The following DLGAP2 variants were observed in gnomAD, a reference collection of about 807,000 sequenced individuals.
DLGAP2 encodes the protein DLG associated protein 2.
DLGAP2 carries 26 observed loss-of-function variants against 100.3 expected under a neutral mutation model. That is an observed-to-expected ratio of 0.26 (90% CI 0.19 to 0.36). The LOEUF is 0.36. Among genes scored for constraint, DLGAP2 ranks in the 10% least tolerant of loss-of-function variants. The pLI, the probability that DLGAP2 is intolerant of heterozygous loss-of-function variation, is 1.00. For synonymous variants in DLGAP2, 886 were observed against 630.1 expected, an observed-to-expected ratio of 1.41 and a Z score of -6.08; for missense variants, 1,858 against 1,453.2, an observed-to-expected ratio of 1.28 and a Z score of -4.53.
chr8:872,174 T>G (rs1467089707), intron 1 of DLGAP2, among the ~76,000 whole-genome samples: 1 of 152,102 alleles, frequency 6.6e-6, no homozygotes, highest in Non-Finnish European at 1.5e-5. Context: ...TAGAAGGAAT[T>G]TATTCTAAGG....
chr8:1,108,768 ACG>A (rs1804860021), intron 2 of DLGAP2, among the ~76,000 whole-genome samples: 1 of 137,478 alleles, frequency 7.3e-6, no homozygotes, highest in Non-Finnish European at 1.5e-5. Context: ...TGAGGTGTGC[ACG>A]TGCCTATGAA....
chr8:1,273,834 A>G lies in DLGAP2; in HGVS notation c.106+14951A>G, dbSNP rs1317319862. ...TCAAAGAGCAAAAGGCTAGAATGAC[A>G]TTGGTGTAGAATTCCAAATGGGAGA... On this transcript the variant is annotated intron_variant, in intron 3 of 14. Coordinates refer to ENST00000637795, the MANE Select transcript of DLGAP2 (RefSeq NM_001346810.2). Among the ~76,000 whole-genome samples, 4 of 152,236 alleles carry G rather than the reference A, an allele frequency of 2.6e-5. No homozygotes were observed. The East Asian group carries it at 5.8e-4, about 22-fold the overall frequency.
chr8:1,523,550 A>G (rs1800684844), intron 4 of DLGAP2, among the ~76,000 whole-genome samples: 1 of 152,196 alleles, frequency 6.6e-6, no homozygotes, highest in Admixed American at 6.5e-5. Context: ...CCGGCACCGC[A>G]CAGTCCCTGG....
At chr8:1,078,289 A>G (rs780492302) in intron 2 of DLGAP2, among the ~76,000 whole-genome samples, 4 of 152,232 alleles carry the variant, frequency 2.6e-5, no homozygotes, top group South Asian at 2.1e-4. Flanking sequence ...TCACAGAAGC[A>G]TTGAGCTGAA....
intron 2 of DLGAP2, among the ~76,000 whole-genome samples, chr8:1,089,362 G>A (rs1253880961): frequency 6.6e-6 from 1 of 152,236 alleles, no homozygotes; most frequent in Non-Finnish European, 1.5e-5. Context: ...TTTGACACCA[G>A]CCAGCCGTTT....
intron 1 of DLGAP2, among the ~76,000 whole-genome samples, chr8:869,074 G>A (rs952439030): frequency 6.6e-6 from 1 of 152,184 alleles, no homozygotes; most frequent in African/African-American, 2.4e-5. Context: ...TTCTGGGCCG[G>A]CTGCCCTGGG....
Position 1,692,895 on chromosome 8 carries a change from TATAA to T in DLGAP2, c.2796+1273_2796+1276del, listed in dbSNP as rs552417659. ...TAATATATACTTACATATGCTTATA[TATAA>T]ATATATATACACATATTAATATATA... On this transcript the variant is annotated intron_variant, in intron 13 of 14. Transcript: ENST00000637795. 2.7e-3 allele frequency among the ~76,000 whole-genome samples: 402 copies of T among 148,826 alleles called. 2 individuals carry two copies. The highest frequency in any genetic ancestry group is 9.2e-3 in the African/African-American group (377 of 40,928).
intron 2 of DLGAP2, among the ~76,000 whole-genome samples, chr8:1,082,870 A>T (rs1419348504): frequency 3.9e-5 from 6 of 152,224 alleles, no homozygotes; most frequent in Non-Finnish European, 8.8e-5. Context: ...GGATGGGAAA[A>T]TTAAGGTATT....
intron 2 of DLGAP2, among the ~76,000 whole-genome samples, chr8:986,869 A>G (rs1584949202): frequency 6.6e-6 from 1 of 152,250 alleles, no homozygotes; most frequent in East Asian, 1.9e-4. Context: ...CATGTTGGCC[A>G]GGCTGGTCTC....
chr8:811,025 C>T (rs767266980), intron 1 of DLGAP2, among the ~76,000 whole-genome samples: 21 of 152,098 alleles, frequency 1.4e-4, no homozygotes, highest in African/African-American at 3.1e-4. Flanking sequence ...TAGAAGGCAT[C>T]GCTGTCATCT....
chr8:888,359 C>G (rs1428778285), intron 1 of DLGAP2, among the ~76,000 whole-genome samples: 1 of 152,148 alleles, frequency 6.6e-6, no homozygotes, highest in Non-Finnish European at 1.5e-5. Flanking sequence ...TTTTTGTTAC[C>G]CATCTTCTGA....
At chr8:1,548,545 CG>C in intron 4 of DLGAP2, 80 bp from the exon 5 acceptor site, 3 of 1,271,750 alleles carry the variant, frequency 2.4e-6, no homozygotes, top group Non-Finnish European at 3.1e-6. Context: ...ATGAAGTCCA[CG>C]GTGGGGGTCA....
intron 1 of DLGAP2, among the ~76,000 whole-genome samples, chr8:868,820 C>T (rs150426917): frequency 2.4e-4 from 36 of 152,282 alleles, no homozygotes; most frequent in East Asian, 7.7e-4. Context: ...CTAGAGAGCG[C>T]GGTCACTGCA....
At chr8:1,447,374 A>G (rs1798010561) in intron 3 of DLGAP2, among the ~76,000 whole-genome samples, 1 of 152,266 alleles carries the variant, frequency 6.6e-6, no homozygotes, top group Non-Finnish European at 1.5e-5. Context: ...TTCTGTTTAT[A>G]TGCTGGATTA....
At chr8:1,324,037 TG>T in intron 3 of DLGAP2, among the ~76,000 whole-genome samples, 1 of 152,336 alleles carries the variant, frequency 6.6e-6, no homozygotes, top group Admixed American at 6.5e-5. Context: ...AGTGTGCGTC[TG>T]GTCTGCTGTG....
intron 5 of DLGAP2, among the ~76,000 whole-genome samples, chr8:1,558,948 G>C (rs552168688): frequency 6.6e-6 from 1 of 152,174 alleles, no homozygotes; most frequent in Non-Finnish European, 1.5e-5. Context: ...AGCAATGGAC[G>C]ATAATGTTTT....
chr8:1,438,602 G>C (rs1234541558), intron 3 of DLGAP2, among the ~76,000 whole-genome samples: 1 of 152,150 alleles, frequency 6.6e-6, no homozygotes, highest in Non-Finnish European at 1.5e-5. Context: ...CTAGCAGTGA[G>C]GAAAGAACCG....
intron 2 of DLGAP2, among the ~76,000 whole-genome samples, chr8:1,112,237 A>ATTTTTTTTT (rs4044488): frequency 1.6e-4 from 16 of 98,034 alleles, no homozygotes; most frequent in Non-Finnish European, 2.1e-4. Context: ...TCCTTTGCCC[A>ATTTTTTTTT]TTTTTTTTTT....
At chr8:1,542,211 T>A (rs1014241208) in intron 4 of DLGAP2, among the ~76,000 whole-genome samples, 4 of 152,256 alleles carry the variant, frequency 2.6e-5, no homozygotes, top group Admixed American at 2.6e-4. Flanking sequence ...TATGTCTTCC[T>A]TCATCACATG....
Sources: allele counts gnomAD v4.1 joint callset (sites outside exome capture counted in the v4.1 genomes callset), GRCh38; gene constraint gnomAD v4.1.1; transcripts MANE v1.5; gene names NCBI Gene and HGNC (gene_info 2026-07-23, HGNC 2026-07-21).